Variants in MRAS observed in about 807,000 individuals in gnomAD.
MRAS encodes the protein muscle RAS oncogene homolog.
A neutral mutation model predicts 20.9 loss-of-function variants in MRAS; 4 were observed. The observed-to-expected ratio is 0.19, with a 90% CI of 0.09 to 0.44. The LOEUF is 0.44. MRAS is among the 20% of genes least tolerant of loss of function. The probability of loss-of-function intolerance (pLI) is 0.99; values close to 1 mark genes in which losing one functional copy is unlikely to be tolerated. For synonymous variants in MRAS, 98 were observed against 102.9 expected (o/e 0.95, Z 0.29); for missense variants, 154 against 277.5 (o/e 0.56, Z 3.16).
At chr3:138,381,808 C>G (rs1576369871) in intron 2 of MRAS, among the ~76,000 whole-genome samples, 1 of 152,256 alleles carries the variant, frequency 6.6e-6, no homozygotes, top group East Asian at 1.9e-4. Flanking sequence ...CTGTTGTCTT[C>G]TCAGAGGGGC....
chr3:138,361,912 T>C lies in MRAS; in HGVS notation c.-18-10954T>C, dbSNP rs180752612. ...GACCCCCAGGGACTGAGAACAAGGA[T>C]TGAAAAATAAAACCACTTCCTACTC... On this transcript the variant is annotated intron_variant, in intron 1 of 5. Transcript: ENST00000423968. Among the ~76,000 whole-genome samples the C allele has an allele frequency of 6.0e-4, 91 of 152,178 alleles. 2 individuals are homozygous for C. Among genetic ancestry groups the C allele is most frequent in the South Asian group, 4.1e-3 (20 of 4,822 alleles).
chr3:138,397,254 G>T, intron 2 of MRAS, 70 bp from the exon 3 acceptor site: 2 of 1,555,968 alleles, frequency 1.3e-6, no homozygotes, highest in Non-Finnish European at 8.7e-7. Context: ...CAGCAGTGTT[G>T]GAGTCTTGCA....
chr3:138,402,055 TA>T, intron 5 of MRAS, 114 bp from the exon 6 acceptor site: 1 of 972,152 alleles, frequency 1.0e-6, no homozygotes, highest in Non-Finnish European at 1.6e-6. Context: ...CCTCACCCAC[TA>T]ACCCCGCCAG....
intron 2 of MRAS, among the ~76,000 whole-genome samples, chr3:138,396,205 G>A (rs1015637558): frequency 1.1e-4 from 16 of 152,352 alleles, no homozygotes; most frequent in African/African-American, 3.8e-4. Context: ...CCCTCCCACA[G>A]GGCTTTTGTG....
intron 2 of MRAS, among the ~76,000 whole-genome samples, chr3:138,396,529 C>T (rs953925049): frequency 2.0e-5 from 3 of 152,208 alleles, no homozygotes; most frequent in African/African-American, 7.2e-5. Context: ...AGGGGTCAGG[C>T]CTGCACTGCT....
At chr3:138,378,880 C>T (rs1421677122) in intron 2 of MRAS, among the ~76,000 whole-genome samples, 3 of 152,046 alleles carry the variant, frequency 2.0e-5, no homozygotes, top group Non-Finnish European at 4.4e-5. Context: ...TCCCCATTCT[C>T]CCCTCTCCTC....
chr3:138,405,371 A>G lies in MRAS; in HGVS notation c.*3102A>G, dbSNP rs544137654. ...ACTTGGAATGAAAGATACTTGAATT[A>G]TTGTGCGCCTGTGAGCGCCCAGCTT... On this transcript the variant is annotated 3_prime_UTR_variant, in exon 6 of 6. Coordinates refer to ENST00000423968, the MANE Select transcript of MRAS (RefSeq NM_001085049.3). The G allele has an allele frequency of 2.0e-5, 3 of 152,680 alleles. No homozygotes were observed. Among genetic ancestry groups the G allele is most frequent in the Non-Finnish European group, 4.4e-5 (3 of 68,044 alleles). 9.5% of individuals were successfully genotyped at this position (152,680 alleles called of 1,614,324 possible).
In MRAS at chr3:138,404,095, T is replaced by A. The variant is rs992743206; in HGVS notation, c.*1826T>A. 1 of 152,248 alleles carries A rather than the reference T, an allele frequency of 6.6e-6. No individual in the cohort carries two copies. Among genetic ancestry groups the A allele is most frequent in the Non-Finnish European group, 1.5e-5 (1 of 68,054 alleles). 9.4% of individuals were successfully genotyped at this position (152,248 alleles called of 1,614,324 possible). ...ACATTCCAGGTGAGGCACTTCAAAG[T>A]TTCCTTAGACCCTATAGTGTTAAGA... On this transcript the variant is annotated 3_prime_UTR_variant, in exon 6 of 6. Transcript: ENST00000423968.
intron 1 of MRAS, among the ~76,000 whole-genome samples, chr3:138,371,807 G>C (rs2054679246): frequency 1.0e-5 from 1 of 95,330 alleles, no homozygotes; most frequent in Non-Finnish European, 2.3e-5. Flanking sequence ...GGTGCTGTCA[G>C]CCTCCTTCTG....
chr3:138,392,055 T>C (rs1319660215), intron 2 of MRAS, among the ~76,000 whole-genome samples: 1 of 152,136 alleles, frequency 6.6e-6, no homozygotes, highest in East Asian at 1.9e-4. Context: ...GGAGAATCGC[T>C]GGAACCCGGC....
At chr3:138,377,338 G>T (rs932802342) in intron 2 of MRAS, among the ~76,000 whole-genome samples, 1 of 152,216 alleles carries the variant, frequency 6.6e-6, no homozygotes, top group Non-Finnish European at 1.5e-5. Context: ...CGGGTGCGGT[G>T]GCTCACGCCT....
chr3:138,383,053 C>T (rs540931908), intron 2 of MRAS, among the ~76,000 whole-genome samples: 32 of 152,346 alleles, frequency 2.1e-4, no homozygotes, highest in African/African-American at 7.5e-4. Flanking sequence ...AAAGACCTTG[C>T]ACCCTCATCA....
At chr3:138,364,290 A>C (rs1168735794) in intron 1 of MRAS, among the ~76,000 whole-genome samples, 1 of 152,214 alleles carries the variant, frequency 6.6e-6, no homozygotes, top group African/African-American at 2.4e-5. Context: ...TTGGAGAAGC[A>C]GGAGGAGGGA....
chr3:138,373,331 T>G (rs1170338801), intron 2 of MRAS, among the ~76,000 whole-genome samples: 2 of 152,230 alleles, frequency 1.3e-5, no homozygotes, highest in Non-Finnish European at 2.9e-5. Flanking sequence ...CTCAGTGATG[T>G]CATGTGTGTT....
chr3:138,376,567 T>C (rs2054787393), intron 2 of MRAS, among the ~76,000 whole-genome samples: 1 of 152,246 alleles, frequency 6.6e-6, no homozygotes, highest in African/African-American at 2.4e-5. Context: ...GTGAAAGGTT[T>C]GATGTGCTAG....
intron 1 of MRAS, among the ~76,000 whole-genome samples, chr3:138,362,094 C>A (rs1272437058): frequency 6.6e-6 from 1 of 152,064 alleles, no homozygotes; most frequent in African/African-American, 2.4e-5. Context: ...GGGGTAGGAC[C>A]CCAGAGGCCA....
intron 2 of MRAS, among the ~76,000 whole-genome samples, chr3:138,396,139 G>A (rs564728312): frequency 3.9e-5 from 6 of 152,342 alleles, no homozygotes; most frequent in Admixed American, 2.0e-4. Context: ...CCTGGACTGC[G>A]AGGGTAGCCA....
At chr3:138,355,162 A>G (rs2054305710) in intron 1 of MRAS, among the ~76,000 whole-genome samples, 1 of 152,134 alleles carries the variant, frequency 6.6e-6, no homozygotes. Flanking sequence ...TTACTTTGTA[A>G]TCCATAACTT....
chr3:138,362,915 A>G (rs1273273049), intron 1 of MRAS, among the ~76,000 whole-genome samples: 2 of 151,930 alleles, frequency 1.3e-5, no homozygotes, highest in Admixed American at 1.3e-4. Context: ...CACACTCCAC[A>G]TTCCAGTCAC....
Sources: gnomAD v4.1 joint callset for allele counts (sites outside exome capture counted in the v4.1 genomes callset) on GRCh38, gnomAD v4.1.1 for gene constraint, MANE v1.5 for transcripts, NCBI Gene and HGNC (gene_info 2026-07-23, HGNC 2026-07-21) for gene names.